WDR25: variants seen among roughly 807,000 people sequenced by gnomAD.
WDR25 encodes WD repeat domain 25, also known as WD repeat-containing protein 25.
In WDR25, 35 loss-of-function variants were observed where a neutral mutation model predicts 47.7. The observed-to-expected ratio is 0.73, with a 90% CI of 0.56 to 0.97. WDR25 has a LOEUF of 0.97. Among genes scored for constraint, WDR25 ranks in the 50% least tolerant of loss-of-function variants. WDR25 has a pLI of 0.00. For missense variants in WDR25, 634 were observed against 704.7 expected (o/e 0.90, Z 1.14); for synonymous variants, 248 against 278.9 (o/e 0.89, Z 1.10).
chr14:100,499,385 C>T lies in WDR25; in HGVS notation c.1101+15261C>T, dbSNP rs556601197. The stretch of plus-strand genomic sequence containing the variant: ...GGTGTTTATAAGATTTCCAGTGGTT[C>T]CCTTATTACAACACTAAGGCAAACT... On this transcript the variant is annotated intron_variant, in intron 4 of 6. Transcript: ENST00000402312. The surrounding 1 kb of genome is among the most constrained non-coding windows in gnomAD (Gnocchi z 4.4). Among the ~76,000 whole-genome samples the T allele has an allele frequency of 3.9e-5, 6 of 152,296 alleles. No individual in the cohort carries two copies. The South Asian group carries it at 1.0e-3, about 26-fold the overall frequency.
chr14:100,525,883 A>G lies in WDR25; in HGVS notation c.1115A>G (p.Tyr372Cys). The G allele has an allele frequency of 6.2e-7, 1 of 1,613,876 alleles. No individual in the cohort carries two copies. Among genetic ancestry groups the G allele is most frequent in the South Asian group, 1.1e-5 (1 of 91,078 alleles). ...DIRTGKVMRS[Y>C]KATIQQTLDI... The stretch of plus-strand genomic sequence containing the variant: ...CCGCTCTTGCAGGTGATGAGAAGCT[A>G]CAAGGCGACCATCCAGCAGACCTTG... Residue 372 changes from tyrosine (Y) to cysteine (C), a missense_variant, in exon 5 of 7, where the codon TAC becomes TGC. Transcript: ENST00000402312. This position sits in a 1 kb window ranked among gnomAD's most constrained non-coding sequence, Gnocchi z 4.6.
intron 2 of WDR25, among the ~76,000 whole-genome samples, chr14:100,382,864 C>CA (rs1178776313): frequency 1.3e-5 from 2 of 152,176 alleles, no homozygotes; most frequent in Non-Finnish European, 2.9e-5. Context: ...TGTAAAAGGG[C>CA]AAAATCATAC....
chr14:100,460,452 A>G (rs907234332), intron 2 of WDR25, among the ~76,000 whole-genome samples: 1 of 152,176 alleles, frequency 6.6e-6, no homozygotes, highest in Non-Finnish European at 1.5e-5. Context: ...AATCAATCCA[A>G]CTACATATAT....
intron 2 of WDR25, among the ~76,000 whole-genome samples, chr14:100,436,377 T>G (rs1898500751): frequency 6.6e-6 from 1 of 152,230 alleles, no homozygotes; most frequent in South Asian, 2.1e-4. Flanking sequence ...GGAGTTCAGT[T>G]TGCTTTAATG....
chr14:100,529,501 T>A lies in WDR25; in HGVS notation c.1413+293T>A. 3.4e-6 allele frequency: 2 copies of A among 589,524 alleles called. No homozygotes were observed. The highest frequency in any genetic ancestry group is 5.8e-5 in the East Asian group (2 of 34,772). The allele number at this position is 589,524 out of a possible 1,614,324, so 36.5% of individuals were successfully genotyped here. On this transcript the variant is annotated intron_variant, in intron 6 of 6. Transcript: ENST00000402312. This position sits in a 1 kb window ranked among gnomAD's most constrained non-coding sequence, Gnocchi z 5.1. ...AATGGTCATGGGTGTCATTTCTGCA[T>A]CCTTCCCTTTCCTCACTGAGGCCAA...
At chr14:100,391,074 C>A (rs1056771568) in intron 2 of WDR25, among the ~76,000 whole-genome samples, 2 of 152,294 alleles carry the variant, frequency 1.3e-5, no homozygotes, top group African/African-American at 2.4e-5. Flanking sequence ...CCTCTTCCCC[C>A]CCAGGGTGTT....
At chr14:100,483,846 A>T in intron 3 of WDR25, 148 bp from the exon 4 acceptor site, 6 of 958,066 alleles carry the variant, frequency 6.3e-6, no homozygotes, top group Admixed American at 3.5e-5. Flanking sequence ...CACCGCTGTC[A>T]TATTTCCAAA....
Position 100,468,253 on chromosome 14 carries a change from T to C in WDR25, c.970+85T>C. The C allele has an allele frequency of 6.6e-7, 1 of 1,513,528 alleles. No individual in the cohort carries two copies. Among genetic ancestry groups the C allele is most frequent in the South Asian group, 1.3e-5 (1 of 78,364 alleles). 93.8% of individuals were successfully genotyped at this position (1,513,528 alleles called of 1,614,324 possible). A position where few individuals can be genotyped will look rare whatever the true frequency, so the allele number is the denominator to read the frequency against. On this transcript the variant is annotated intron_variant, in intron 3 of 6. Coordinates refer to ENST00000402312, the MANE Select transcript of WDR25 (RefSeq NM_001161476.3). The surrounding 1 kb of genome is among the most constrained non-coding windows in gnomAD (Gnocchi z 4.5). ...CTCTGGTGGGCACGCAGCCACAAGC[T>C]GTATACGCTTGCGTGGCAGAGGGAG...
Position 100,428,720 on chromosome 14 carries a change from AT to A in WDR25, c.823-39296del, listed in dbSNP as rs984277706. On this transcript the variant is annotated intron_variant, in intron 2 of 6. Coordinates refer to ENST00000402312, the MANE Select transcript of WDR25 (RefSeq NM_001161476.3). The surrounding 1 kb of genome is among the most constrained non-coding windows in gnomAD (Gnocchi z 4.3). ...TTCACTTCTTTCTTCAAGTGGATGT[AT>A]TTTTGAACATTTGATACCTTCTTTC... Among the ~76,000 whole-genome samples, 2 of 152,188 alleles carry A rather than the reference AT, an allele frequency of 1.3e-5. No homozygotes were observed. Among genetic ancestry groups the A allele is most frequent in the African/African-American group, 4.8e-5 (2 of 41,440 alleles).
At chr14:100,511,229 G>A (rs1232914518) in intron 4 of WDR25, among the ~76,000 whole-genome samples, 1 of 152,136 alleles carries the variant, frequency 6.6e-6, no homozygotes, top group African/African-American at 2.4e-5. Flanking sequence ...AGTTTTCATA[G>A]TGTAGGTCTT....
rs376126378 is a variant in WDR25, at chr14:100,455,848, C to A, written c.823-12173C>A. ...CTGCTGGCCTTCTTGTTATCTATGA[C>A]ACAGTGGCTCACCCACAAAACAAAT... On this transcript the variant is annotated intron_variant, in intron 2 of 6. Transcript: ENST00000402312. Among the ~76,000 whole-genome samples, 24 of 152,284 alleles carry A rather than the reference C, an allele frequency of 1.6e-4. No homozygotes were observed. The East Asian group carries it at 2.3e-3, about 15-fold the overall frequency.
intron 4 of WDR25, among the ~76,000 whole-genome samples, chr14:100,524,307 C>G (rs1215910041): frequency 1.3e-5 from 2 of 151,946 alleles, no homozygotes; most frequent in Non-Finnish European, 2.9e-5. Flanking sequence ...ACCCCCCAGC[C>G]AAGGCCCAGC....
chr14:100,501,678 C>A (rs571644284), intron 4 of WDR25, among the ~76,000 whole-genome samples: 3 of 152,280 alleles, frequency 2.0e-5, no homozygotes, highest in South Asian at 4.1e-4. Flanking sequence ...ACTGTGGGAA[C>A]CCCTGTGTAA....
intron 4 of WDR25, among the ~76,000 whole-genome samples, chr14:100,524,567 C>G (rs146362024): frequency 2.1e-4 from 32 of 152,210 alleles, no homozygotes; most frequent in African/African-American, 7.5e-4. Context: ...CTGGATCATT[C>G]TTTAGGCTTC....
chr14:100,391,870 C>T (rs1897153366), intron 2 of WDR25, among the ~76,000 whole-genome samples: 1 of 152,190 alleles, frequency 6.6e-6, no homozygotes, highest in Admixed American at 6.5e-5. Flanking sequence ...TTTCCATTCT[C>T]CTTCTCTCCT....
intron 2 of WDR25, among the ~76,000 whole-genome samples, chr14:100,387,151 C>G (rs1373644055): frequency 6.6e-6 from 1 of 151,864 alleles, no homozygotes; most frequent in African/African-American, 2.4e-5. Flanking sequence ...TGCTGTAGAG[C>G]TGAAATGAGA....
chr14:100,406,232 C>T (rs779766058), intron 2 of WDR25, among the ~76,000 whole-genome samples: 6 of 152,114 alleles, frequency 3.9e-5, no homozygotes, highest in Non-Finnish European at 7.4e-5. Context: ...TTCGGAGGCC[C>T]GTTGGACTGT....
At chr14:100,526,190 C>G (rs142247158) in intron 5 of WDR25, 150 bp downstream of exon 5, 1 of 1,004,038 alleles carries the variant, frequency 1.0e-6, no homozygotes, top group Non-Finnish European at 1.4e-6. Context: ...CTCAGCCTGC[C>G]GCACACATGG....
intron 3 of WDR25, among the ~76,000 whole-genome samples, chr14:100,471,002 G>A (rs1432728114): frequency 6.6e-6 from 1 of 152,204 alleles, no homozygotes; most frequent in African/African-American, 2.4e-5. Flanking sequence ...TCACTCCGCA[G>A]TTGCTTATTG....
Sources: gnomAD v4.1 joint callset for allele counts (sites outside exome capture counted in the v4.1 genomes callset) on GRCh38, gnomAD v4.1.1 for gene constraint, Gnocchi (gnomAD v3.1) non-coding constraint, MANE v1.5 for transcripts, NCBI Gene and HGNC (gene_info 2026-07-23, HGNC 2026-07-21) for gene names.